Variants in ZNF280D observed in about 807,000 individuals in gnomAD.
ZNF280D encodes the protein suppressor of hairy wing homolog 4.
In ZNF280D, 39 loss-of-function variants were observed where a neutral mutation model predicts 94.7. The observed-to-expected ratio is 0.41, with a 90% CI of 0.32 to 0.54. The LOEUF is 0.54. ZNF280D is among the 20% of genes least tolerant of loss of function. ZNF280D has a pLI of 0.22. For missense variants in ZNF280D, 1,090 were observed against 1,149.3 expected (o/e 0.95, Z 0.75); for synonymous variants, 398 against 377.6 (o/e 1.05, Z -0.63).
intron 19 of ZNF280D, chr15:56,653,752 C>T (rs1248898195): frequency 1.6e-6 from 2 of 1,283,952 alleles, no homozygotes; most frequent in Non-Finnish European, 2.0e-6. Flanking sequence ...ATTCTGAAGG[C>T]AAGTACAGCA....
At chr15:56,732,348 G>C (rs1459696754) in intron 1 of ZNF280D, among the ~76,000 whole-genome samples, 1 of 152,166 alleles carries the variant, frequency 6.6e-6, no homozygotes, top group African/African-American at 2.4e-5. Flanking sequence ...AGTATTTGTA[G>C]TGATGTTAAA....
At chr15:56,653,391 C>T (rs890636144) in intron 19 of ZNF280D, 2 of 1,313,168 alleles carry the variant, frequency 1.5e-6, no homozygotes, top group South Asian at 2.3e-5. Context: ...TCTGGCCAAA[C>T]AACATCAGCC....
In ZNF280D at chr15:56,707,288, G is replaced by A; in HGVS notation, c.-67C>T. The A allele has an allele frequency of 6.5e-7, 1 of 1,533,002 alleles. No homozygotes were observed. Among genetic ancestry groups the A allele is most frequent in the Non-Finnish European group, 8.7e-7 (1 of 1,143,560 alleles). The allele number at this position is 1,533,002 out of a possible 1,614,324, so 95.0% of individuals were successfully genotyped here. On this transcript the variant is annotated 5_prime_UTR_variant, in exon 2 of 22. Transcript: ENST00000267807. ...CATGTGACTCCAGACAAGCCAGCAAGTTATTTCTGTTTTCCTTCCTATAAA... is the reference window on the plus strand; with the variant it reads ...CATGTGACTCCAGACAAGCCAGCAAATTATTTCTGTTTTCCTTCCTATAAA...
rs1156800802 is a variant in ZNF280D at position 56,718,116 on chromosome 15, T to TA, written c.-85-10811dup. Among the ~76,000 whole-genome samples, 974 of 147,498 alleles carry TA rather than the reference T, an allele frequency of 6.6e-3. 14 individuals are homozygous for TA. Among genetic ancestry groups the TA allele is most frequent in the African/African-American group, 0.021 (838 of 40,498 alleles). On this transcript the variant is annotated intron_variant, in intron 1 of 21. Transcript: ENST00000267807. The stretch of plus-strand genomic sequence containing the variant: ...TACGGAAGATTTTTCATTATTTCAG[T>TA]AAAAAAAAAAATTCTAATTAGAAAT...
intron 1 of ZNF280D, chr15:56,732,543 C>T (rs2058944008): frequency 6.6e-6 from 1 of 151,966 alleles, no homozygotes; most frequent in Non-Finnish European, 1.5e-5. Context: ...TGTTTCATGG[C>T]ACTAAAAAAG....
chr15:56,667,269 C>T (rs1339982309), intron 14 of ZNF280D, among the ~76,000 whole-genome samples: 1 of 152,096 alleles, frequency 6.6e-6, no homozygotes, highest in Non-Finnish European at 1.5e-5. Flanking sequence ...ATACAAAGAG[C>T]ACATTCCATA....
intron 20 of ZNF280D, among the ~76,000 whole-genome samples, chr15:56,638,623 T>G (rs890878187): frequency 6.6e-6 from 1 of 152,128 alleles, no homozygotes; most frequent in African/African-American, 2.4e-5. Flanking sequence ...AAGTGTAAAA[T>G]CAAGCCATTC....
chr15:56,655,797 ATATT>A (rs1423547663), intron 17 of ZNF280D, among the ~76,000 whole-genome samples: 1 of 152,240 alleles, frequency 6.6e-6, no homozygotes, highest in Admixed American at 6.5e-5. Flanking sequence ...TAGCCACTAT[ATATT>A]TAATTTCTTA....
intron 16 of ZNF280D, among the ~76,000 whole-genome samples, chr15:56,662,637 C>A (rs1332323798): frequency 2.0e-5 from 3 of 151,916 alleles, no homozygotes; most frequent in Non-Finnish European, 4.4e-5. Flanking sequence ...CCAGCCTGGA[C>A]AACATGGTGA....
At chr15:56,640,283 GTTTTTGTTTTGT>G (rs2052565611) in intron 20 of ZNF280D, among the ~76,000 whole-genome samples, 1 of 151,898 alleles carries the variant, frequency 6.6e-6, no homozygotes, top group Non-Finnish European at 1.5e-5. Context: ...TGTGTGGTGT[GTTTTTGTTTTGT>G]TTTTTGTTTT....
chr15:56,671,333 T>C (rs191421313), intron 13 of ZNF280D, among the ~76,000 whole-genome samples: 7 of 152,290 alleles, frequency 4.6e-5, no homozygotes, highest in Admixed American at 4.6e-4. Flanking sequence ...CTTTAATCCA[T>C]CTTGGGTTAA....
intron 1 of ZNF280D, among the ~76,000 whole-genome samples, chr15:56,722,473 C>CATTATTCATAATAGTCT (rs1437886989): frequency 6.6e-6 from 1 of 152,172 alleles, no homozygotes; most frequent in East Asian, 1.9e-4. Context: ...ATTATGTCTA[C>CATTATTCATAATAGTCT]AGCATTATTC....
intron 20 of ZNF280D, among the ~76,000 whole-genome samples, chr15:56,636,230 A>G (rs1216727589): frequency 6.6e-6 from 1 of 152,162 alleles, no homozygotes; most frequent in East Asian, 1.9e-4. Flanking sequence ...TCATTGGAAG[A>G]GTGGTTACTG....
intron 1 of ZNF280D, among the ~76,000 whole-genome samples, chr15:56,711,543 T>TAATC (rs1325118771): frequency 1.3e-5 from 2 of 152,072 alleles, no homozygotes; most frequent in Admixed American, 6.5e-5. Context: ...AGCATGCCTG[T>TAATC]AATCCAAGCT....
At chr15:56,664,524 A>G (rs1946237633) in intron 16 of ZNF280D, among the ~76,000 whole-genome samples, 1 of 152,200 alleles carries the variant, frequency 6.6e-6, no homozygotes, top group Non-Finnish European at 1.5e-5. Context: ...GATTGAAGGT[A>G]ACAGGAAAAA....
At chr15:56,651,404 T>C (rs1566936150) in intron 19 of ZNF280D, among the ~76,000 whole-genome samples, 1 of 152,194 alleles carries the variant, frequency 6.6e-6, no homozygotes, top group Non-Finnish European at 1.5e-5. Flanking sequence ...AGCACTAAAC[T>C]GAAAATTCAA....
intron 16 of ZNF280D, among the ~76,000 whole-genome samples, chr15:56,662,442 C>T (rs1472135244): frequency 6.6e-6 from 1 of 152,118 alleles, no homozygotes; most frequent in Non-Finnish European, 1.5e-5. Flanking sequence ...ATGACTATCA[C>T]CTGCAGTTTG....
chr15:56,713,006 C>T (rs1215113527), intron 1 of ZNF280D, among the ~76,000 whole-genome samples: 2 of 152,284 alleles, frequency 1.3e-5, no homozygotes, highest in African/African-American at 2.4e-5. Flanking sequence ...TCCCAAAGTG[C>T]TGGCATTACA....
intron 13 of ZNF280D, among the ~76,000 whole-genome samples, chr15:56,669,872 T>A (rs376972662): frequency 0.58 from 3,261 of 5,654 alleles, 662 homozygotes; most frequent in Middle Eastern, 0.7. Context: ...ATATATATAT[T>A]TTATATATAT....
Sources: gnomAD v4.1 joint callset for allele counts (sites outside exome capture counted in the v4.1 genomes callset) on GRCh38, gnomAD v4.1.1 for gene constraint, MANE v1.5 for transcripts, NCBI Gene and HGNC (gene_info 2026-07-23, HGNC 2026-07-21) for gene names.